IPO5: variants seen among roughly 807,000 people sequenced by gnomAD.
IPO5 encodes importin-5.
In IPO5, 18 loss-of-function variants were observed where a neutral mutation model predicts 143.3. That is an observed-to-expected ratio of 0.13 (90% confidence interval 0.09 to 0.19). The LOEUF (loss-of-function observed/expected upper bound fraction) is 0.19, where lower values mean the gene tolerates loss of function less well. IPO5 is among the 10% of genes least tolerant of loss of function. IPO5 has a pLI of 1.00. For missense variants in IPO5, 1,013 were observed against 1,336.9 expected, an observed-to-expected ratio of 0.76 and a Z score of 3.78; for synonymous variants, 477 against 465.7, an observed-to-expected ratio of 1.02 and a Z score of -0.31.
rs562453941 is a variant in IPO5, at chr13:98,013,213, G to A, written c.2153-829G>A. The stretch of plus-strand genomic sequence containing the variant: ...TGGGATCACAGACATGCGCTACCAT[G>A]CCCAGCTAATTTTTTGTATTTTTTG... On this transcript the variant is annotated intron_variant, in intron 21 of 28. Transcript: ENST00000651721. Among the ~76,000 whole-genome samples the A allele has an allele frequency of 4.6e-5, 7 of 152,134 alleles. No individual in the cohort carries two copies. The South Asian group carries it at 1.5e-3, about 32-fold the overall frequency.
At chr13:97,996,558 C>T (rs907603514) in intron 11 of IPO5, among the ~76,000 whole-genome samples, 18 of 152,188 alleles carry the variant, frequency 1.2e-4, no homozygotes, top group African/African-American at 4.3e-4. Context: ...TTAAACTTCA[C>T]ATAGTTTATG....
intron 13 of IPO5, 37 bp from the exon 14 acceptor site, chr13:98,002,430 G>A (rs753389822): frequency 8.1e-6 from 13 of 1,603,532 alleles, no homozygotes; most frequent in Admixed American, 1.7e-5. Flanking sequence ...TGTTTATAGT[G>A]TGTAATTGCT....
At chr13:97,981,151 T>C in intron 4 of IPO5, 1 of 412,494 alleles carries the variant, frequency 2.4e-6, no homozygotes, top group Non-Finnish European at 4.7e-6. Flanking sequence ...TCAGCATTGT[T>C]AAGATCCTAT....
chr13:97,964,368 G>A (rs987153185), intron 2 of IPO5, among the ~76,000 whole-genome samples: 2 of 149,254 alleles, frequency 1.3e-5, no homozygotes, highest in African/African-American at 4.9e-5. Context: ...GTTAATTTTT[G>A]TATAAGGTGT....
rs201082178 is a variant in IPO5, at chr13:97,985,658, C to T, written c.364+45C>T. 394 of 1,253,214 alleles carry T rather than the reference C, an allele frequency of 3.1e-4. 1 individual carries two copies. The highest frequency in any genetic ancestry group is 8.2e-4 in the Middle Eastern group (4 of 4,880). The allele number at this position is 1,253,214 out of a possible 1,614,324, so 77.6% of individuals were successfully genotyped here. On this transcript the variant is annotated intron_variant, in intron 6 of 28. Transcript: ENST00000651721. ...CATGTTACCAAGAACATGGGTATAT[C>T]CTTCCTTTTTTTTTTTTTTAATGGA...
intron 18 of IPO5, 98 bp from the exon 19 acceptor site, chr13:98,009,783 T>A: frequency 1.1e-6 from 1 of 903,442 alleles, no homozygotes; most frequent in Admixed American, 2.6e-5. Flanking sequence ...TGTGAACATA[T>A]CAATAAAACA....
chr13:97,967,692 C>T (rs1885465181), intron 2 of IPO5, among the ~76,000 whole-genome samples: 1 of 152,062 alleles, frequency 6.6e-6, no homozygotes, highest in Non-Finnish European at 1.5e-5. Context: ...AGTGCAGTGG[C>T]TCGATCTCAG....
rs1296853187 is a variant in IPO5, at chr13:97,998,165, C to T, written c.1001+547C>T. The stretch of plus-strand genomic sequence containing the variant: ...TAATTTTTTGTATTTTTAGTAGAGA[C>T]GGGATTTCACCATGTTAGCCAGGAT... On this transcript the variant is annotated intron_variant, in intron 12 of 28. Transcript: ENST00000651721. Among the ~76,000 whole-genome samples the T allele has an allele frequency of 2.0e-5, 3 of 152,232 alleles. No homozygotes were observed. The East Asian group carries it at 5.8e-4, about 29-fold the overall frequency.
chr13:97,999,197 C>G (rs1272817473), intron 12 of IPO5, among the ~76,000 whole-genome samples: 1 of 152,056 alleles, frequency 6.6e-6, no homozygotes. Context: ...TCAGTATAAA[C>G]TACTAGGTTA....
chr13:97,965,755 T>TTGTGTGTG (rs35443379), intron 2 of IPO5, among the ~76,000 whole-genome samples: 11 of 146,688 alleles, frequency 7.5e-5, no homozygotes, highest in African/African-American at 2.5e-4. Flanking sequence ...TTCTAATAGT[T>TTGTGTGTG]TGTGTGTGTG....
Position 97,976,725 on chromosome 13 carries a change from A to G in IPO5, c.29A>G (p.Gln10Arg). Residue 10 changes from glutamine (Q) to arginine (R), a missense_variant, in exon 4 of 29, where the codon CAG (glutamine) becomes CGG (arginine). By Grantham distance (43) the Gln-to-Arg change is conservative. Transcript: ENST00000651721. The stretch of plus-strand genomic sequence containing the variant: ...GCGGCGGCCGCGGCGGAGCAGCAAC[A>G]GTTCTACCTGCTCCTGGGAAACCTG... MAAAAAEQQQFYLLLGNLLS... is the reference protein window; with the variant it reads MAAAAAEQQRFYLLLGNLLS... 7.1e-7 allele frequency: 1 copy of G among 1,407,188 alleles called. No homozygotes were observed. The highest frequency in any genetic ancestry group is 9.5e-7 in the Non-Finnish European group (1 of 1,055,996). The allele number at this position is 1,407,188 out of a possible 1,614,324, so 87.2% of individuals were successfully genotyped here.
chr13:98,006,133 A>G lies in IPO5; in HGVS notation c.1501A>G (p.Ile501Val), dbSNP rs200052721. Residue 501 changes from isoleucine to valine, a missense_variant, in exon 17 of 29, where the codon ATT (isoleucine) becomes GTT (valine). This residue lies in a region of IPO5 where 685 missense variants were observed against 994.9 expected (regional missense o/e 0.69). Transcript: ENST00000651721. ...SIMVLKLQEL[I>V]QKGTKLVLEQ... ...ATAATTTGTGTCTTCCTTCTAGCTG[A>G]TTCAGAAAGGCACCAAGTTAGTTTT... 1.8e-5 allele frequency: 29 copies of G among 1,608,656 alleles called. No homozygotes were observed. In the Middle Eastern group the frequency reaches 6.6e-4, roughly 37 times the overall value.
At chr13:97,995,899 A>G (rs1381864662) in intron 11 of IPO5, among the ~76,000 whole-genome samples, 1 of 152,234 alleles carries the variant, frequency 6.6e-6, no homozygotes, top group African/African-American at 2.4e-5. Context: ...TAATTTTCTA[A>G]GACTGAATCA....
chr13:97,990,325 C>G (rs1887704229), intron 8 of IPO5, 103 bp downstream of exon 8: 3 of 1,141,052 alleles, frequency 2.6e-6, no homozygotes, highest in Non-Finnish European at 3.9e-6. Flanking sequence ...CTTTAAAATA[C>G]AAACACCAGT....
intron 12 of IPO5, 82 bp downstream of exon 12, chr13:97,997,700 T>C (rs961979842): frequency 2.0e-5 from 14 of 689,186 alleles, no homozygotes; most frequent in Non-Finnish European, 3.3e-5. Context: ...CCCTGTAACC[T>C]GAAGGTAAAC....
In IPO5 at chr13:98,006,147, C is replaced by A; in HGVS notation, c.1515C>A (p.Thr505=). The change falls in exon 17 of 29, where the codon ACC becomes ACA. Residue 505 remains threonine, a synonymous_variant. Transcript: ENST00000651721. ...LKLQELIQKG[T]KLVLEQVVTS... Reference sequence around the variant, plus strand: ...CCTTCTAGCTGATTCAGAAAGGCACCAAGTTAGTTTTGGAACAAGTTGTGA... The same window carrying A: ...CCTTCTAGCTGATTCAGAAAGGCACAAAGTTAGTTTTGGAACAAGTTGTGA... 6.2e-7 allele frequency: 1 copy of A among 1,612,702 alleles called. No individual in the cohort carries two copies.
intron 8 of IPO5, 28 bp downstream of exon 8, chr13:97,990,250 A>G (rs1224922005): frequency 6.9e-7 from 1 of 1,448,416 alleles, no homozygotes; most frequent in Non-Finnish European, 9.7e-7. Flanking sequence ...TATTAATATA[A>G]CCATCTATTT....
Position 97,970,402 on chromosome 13 carries a change from C to T in IPO5, c.-5+572C>T, listed in dbSNP as rs529765154. Among the ~76,000 whole-genome samples, 10 of 151,990 alleles carry T rather than the reference C, an allele frequency of 6.6e-5. No homozygotes were observed. In the East Asian group the frequency reaches 1.9e-3, roughly 30 times the overall value. On this transcript the variant is annotated intron_variant, in intron 3 of 28. Transcript: ENST00000651721. ...TTGGGAGGCCGAGGCGGGTGGATCA[C>T]GAGGTCAGGAGTTCGAGACAAGCCT...
intron 3 of IPO5, chr13:97,975,789 T>G (rs1212804990): frequency 4.6e-6 from 1 of 217,998 alleles, no homozygotes; most frequent in Non-Finnish European, 7.8e-6. Flanking sequence ...GATCCTGGGG[T>G]GGGGGCATGT....
Sources: gnomAD v4.1 joint callset for allele counts (sites outside exome capture counted in the v4.1 genomes callset) on GRCh38, gnomAD v4.1.1 for gene constraint, gnomAD v4.1.1 regional missense constraint, MANE v1.5 for transcripts, NCBI Gene and HGNC (gene_info 2026-07-23, HGNC 2026-07-21) for gene names.